The following BRAP variants were observed in gnomAD, a reference collection of about 807,000 sequenced individuals.
BRAP encodes the protein BRCA1 associated protein.
A neutral mutation model predicts 73.4 loss-of-function variants in BRAP; 42 were observed. That is an observed-to-expected ratio of 0.57 (90% CI 0.45 to 0.74). BRAP has a LOEUF of 0.74. Among genes scored for constraint, BRAP ranks in the 30% least tolerant of loss-of-function variants. The probability of loss-of-function intolerance (pLI) is 0.00; values close to 1 mark genes in which losing one functional copy is unlikely to be tolerated. For synonymous variants in BRAP, 255 were observed against 267.4 expected, an observed-to-expected ratio of 0.95 and a Z score of 0.45; for missense variants, 593 against 751.4, an observed-to-expected ratio of 0.79 and a Z score of 2.46.
rs754516146 is a variant in BRAP at position 111,657,941 on chromosome 12, CT to C, written c.1221+794del. 5.4e-3 allele frequency among the ~76,000 whole-genome samples: 775 copies of C among 142,614 alleles called. 1 individual carries two copies. Among genetic ancestry groups the C allele is most frequent in the Middle Eastern group, 0.011 (3 of 276 alleles). The allele number at this position is 142,614 out of a possible 152,430, so 93.6% of individuals were successfully genotyped here. On this transcript the variant is annotated intron_variant, in intron 9 of 11. Transcript: ENST00000419234. ...GTAACAAGGCACAGTGAAACTTAGA[CT>C]TTTTTTTTTTTTTTGAGACAGGGTC...
At chr12:111,655,334 T>TAA (rs200896032) in intron 10 of BRAP, among the ~76,000 whole-genome samples, 2 of 122,288 alleles carry the variant, frequency 1.6e-5, no homozygotes, top group Admixed American at 8.4e-5. Flanking sequence ...GACTGAGGTT[T>TAA]AAAAAAAAAA....
At chr12:111,667,721 A>AAAAAAAAG (rs1887007348) in intron 5 of BRAP, among the ~76,000 whole-genome samples, 1 of 139,654 alleles carries the variant, frequency 7.2e-6, no homozygotes, top group Non-Finnish European at 1.5e-5. Flanking sequence ...AAAAAAAAAA[A>AAAAAAAAG]GCTCATACAC....
intron 6 of BRAP, among the ~76,000 whole-genome samples, chr12:111,664,658 G>A (rs1886872284): frequency 6.6e-6 from 1 of 152,212 alleles, no homozygotes; most frequent in Non-Finnish European, 1.5e-5. Context: ...ACACAGCAGT[G>A]AGCAAGCCAG....
rs764465763 is a variant in BRAP, at chr12:111,665,381, T to G, written c.896+258A>C. 2.6e-5 allele frequency among the ~76,000 whole-genome samples: 4 copies of G among 152,152 alleles called. No homozygotes were observed. Among genetic ancestry groups the G allele is most frequent in the Admixed American group, 6.6e-5 (1 of 15,262 alleles). ...AGCCTCAAACTAAGCTTTGCTTTTT[T>G]TTTTCACTCTCTGGCTCTTGGAAGG... On this transcript the variant is annotated intron_variant, in intron 6 of 11. Transcript: ENST00000419234. The surrounding 1 kb of genome is among the most constrained non-coding windows in gnomAD (Gnocchi z 4.3).
At chr12:111,657,389 G>A (rs773864406) in intron 9 of BRAP, among the ~76,000 whole-genome samples, 1 of 152,082 alleles carries the variant, frequency 6.6e-6, no homozygotes, top group Admixed American at 6.6e-5. Context: ...TTAATGTGGA[G>A]GATTTACTAA....
Position 111,672,736 on chromosome 12 carries a change from G to A in BRAP, c.672C>T (p.Arg224=). 6.2e-7 allele frequency: 1 copy of A among 1,613,976 alleles called. No individual in the cohort carries two copies. The highest frequency in any genetic ancestry group is 1.1e-5 in the South Asian group (1 of 91,070). ...CGTCATCTTCTATTGAGTTGAACTG[G>A]CGGCCATTGCATGTCATATAAAAAC... is the stretch of plus-strand genomic sequence containing the variant. The part of the protein sequence containing the change: ...ADSFYMTCNG[R]QFNSIEDDVC... Residue 224 remains arginine, a synonymous_variant, in exon 5 of 12, where the codon CGC becomes CGT. Coordinates refer to ENST00000419234, the MANE Select transcript of BRAP (RefSeq NM_006768.5).
At position 111,685,906 on chromosome 12, in the gene BRAP, C is replaced by T. The variant is rs1009963074; in HGVS notation, c.-114G>A. The stretch of plus-strand genomic sequence containing the variant: ...GCCGCCACCACCTCAATGCAGTTGC[C>T]GCCGCCTCAGCAGCAGCAGCTCCTC... On this transcript the variant is annotated 5_prime_UTR_variant, in exon 1 of 12. Transcript: ENST00000419234. The T allele has an allele frequency of 8.6e-6, 5 of 584,092 alleles. No individual in the cohort carries two copies. The highest frequency in any genetic ancestry group is 2.0e-5 in the African/African-American group (1 of 50,838). The allele number at this position is 584,092 out of a possible 1,614,324, so 36.2% of individuals were successfully genotyped here.
intron 6 of BRAP, among the ~76,000 whole-genome samples, chr12:111,664,562 G>A (rs1169786156): frequency 3.3e-5 from 5 of 152,214 alleles, no homozygotes; most frequent in African/African-American, 1.2e-4. Flanking sequence ...AATAAGCAGG[G>A]CAGTGATAAG....
At chr12:111,649,118 C>G (rs1886226231) in intron 11 of BRAP, among the ~76,000 whole-genome samples, 3 of 152,078 alleles carry the variant, frequency 2.0e-5, no homozygotes, top group Admixed American at 2.0e-4. Flanking sequence ...AGTTTTACGT[C>G]TATTAATTTT....
chr12:111,644,465 G>A lies in BRAP; in HGVS notation c.1513C>T (p.Gln505Ter). The A allele has an allele frequency of 6.2e-7, 1 of 1,614,096 alleles. No homozygotes were observed. Among genetic ancestry groups the A allele is most frequent in the East Asian group, 2.2e-5 (1 of 44,874 alleles). ...KCLRANQVLL[Q>*]NKLKEEERVL... ...CTCTCCTCCTCTTTTAGCTTGTTCT[G>A]CAGGAGGACTTGGTTGGCTCGCAAA... The change falls in exon 12 of 12, where the codon CAG becomes TAG. Residue 505 changes from glutamine (Q) to a stop codon, truncating the protein, a stop_gained. Transcript: ENST00000419234. LOFTEE classifies it high-confidence loss of function.
At chr12:111,677,206 T>C (rs947896887) in intron 4 of BRAP, among the ~76,000 whole-genome samples, 2 of 152,234 alleles carry the variant, frequency 1.3e-5, no homozygotes, top group Non-Finnish European at 2.9e-5. Context: ...GGTGGATTTA[T>C]ACGACTTCAG....
rs1254401266 is a variant in BRAP, at chr12:111,642,381, T to C, written c.*1818A>G. The C allele has an allele frequency of 6.6e-6, 1 of 152,106 alleles. No homozygotes were observed. The highest frequency in any genetic ancestry group is 1.5e-5 in the Non-Finnish European group (1 of 68,022). The allele number at this position is 152,106 out of a possible 1,614,324, so 9.4% of individuals were successfully genotyped here. ...AAACCTCCAAGTAGTTTGGAAACAC[T>C]TGCCTATTTGCTCATTCCTCTGGGC... is the stretch of plus-strand genomic sequence containing the variant. On this transcript the variant is annotated 3_prime_UTR_variant, in exon 12 of 12. Transcript: ENST00000419234.
At chr12:111,664,325 C>G (rs1008085087) in intron 6 of BRAP, among the ~76,000 whole-genome samples, 3 of 152,008 alleles carry the variant, frequency 2.0e-5, no homozygotes, top group African/African-American at 7.3e-5. Flanking sequence ...GAGCAAGACC[C>G]TGTCTCAAAA....
chr12:111,658,959 C>A (rs557610597), intron 8 of BRAP, 114 bp from the exon 9 acceptor site: 2 of 873,804 alleles, frequency 2.3e-6, no homozygotes, highest in East Asian at 2.6e-5. Context: ...TACAATATTT[C>A]TTTAAAAGTG....
Position 111,644,323 on chromosome 12 carries a change from T to A in BRAP, c.1655A>T (p.Glu552Val), listed in dbSNP as rs759792885. ...TQQKINHLPA[E>V]TRQEIQEGQI... is the part of the protein sequence containing the mutation. ...TCCCTCCTGGATTTCCTGCCGGGTCTCGGCAGGCAGATGGTTGATCTTCTG... is the reference window on the plus strand; with the variant it reads ...TCCCTCCTGGATTTCCTGCCGGGTCACGGCAGGCAGATGGTTGATCTTCTG... The change falls in exon 12 of 12, where the codon GAG becomes GTG. Residue 552 changes from glutamate (E) to valine (V), a missense_variant. Transcript: ENST00000419234. 2.5e-6 allele frequency: 4 copies of A among 1,614,034 alleles called. No individual in the cohort carries two copies. The highest frequency in any genetic ancestry group is 3.4e-6 in the Non-Finnish European group (4 of 1,180,036).
At chr12:111,645,977 G>A (rs1040483008) in intron 11 of BRAP, among the ~76,000 whole-genome samples, 2 of 151,094 alleles carry the variant, frequency 1.3e-5, no homozygotes, top group Non-Finnish European at 3.0e-5. Context: ...GTGACAGAAC[G>A]AGATCTTGTC....
In BRAP at chr12:111,672,716, T is replaced by C. The variant is rs1024398828; in HGVS notation, c.692A>G (p.Asp231Gly). Residue 231 changes from aspartate (D) to glycine (G), a missense_variant, in exon 5 of 12, where the codon GAT (aspartate) becomes GGT (glycine). By Grantham distance (94) the Asp-to-Gly change is moderately conservative. Around this residue, in one of 4 missense-constraint regions of BRAP, gnomAD observed 304 missense variants for 337.7 expected, o/e 0.90. Transcript: ENST00000419234. ...CACATACACTAGCTGGCAAACGTCA[T>C]CTTCTATTGAGTTGAACTGGCGGCC... ...CNGRQFNSIEDDVCQLVYVER... is the reference protein window; with the variant it reads ...CNGRQFNSIEGDVCQLVYVER... The C allele has an allele frequency of 2.5e-6, 4 of 1,614,148 alleles. No homozygotes were observed. Among genetic ancestry groups the C allele is most frequent in the Non-Finnish European group, 3.4e-6 (4 of 1,180,032 alleles).
intron 6 of BRAP, among the ~76,000 whole-genome samples, chr12:111,661,278 T>A (rs545265832): frequency 6.7e-6 from 1 of 150,140 alleles, no homozygotes; most frequent in South Asian, 2.1e-4. Context: ...GCTCCCAGCT[T>A]GTTTTTTTTT....
At chr12:111,679,512 T>G (rs762494988) in intron 3 of BRAP, among the ~76,000 whole-genome samples, 172 bp from the exon 4 acceptor site, 1 of 152,188 alleles carries the variant, frequency 6.6e-6, no homozygotes, top group Non-Finnish European at 1.5e-5. Context: ...CAGTTCAACA[T>G]TTATTACGGT....
Sources: allele counts gnomAD v4.1 joint callset (sites outside exome capture counted in the v4.1 genomes callset), GRCh38; gene constraint gnomAD v4.1.1; regional missense constraint gnomAD v4.1.1; non-coding constraint Gnocchi (gnomAD v3.1); transcripts MANE v1.5; gene names NCBI Gene and HGNC (gene_info 2026-07-23, HGNC 2026-07-21).